Variants in TRPM3 observed in about 807,000 individuals in gnomAD.
TRPM3 encodes the protein long transient receptor potential channel 3.
A neutral mutation model predicts 181.2 loss-of-function variants in TRPM3; 77 were observed. The observed-to-expected ratio is 0.42, with a 90% CI of 0.35 to 0.51. TRPM3 has a LOEUF of 0.51. Ranked by LOEUF, TRPM3 falls within the 20% of genes least tolerant of loss-of-function variation. TRPM3 has a pLI of 0.01. For synonymous variants in TRPM3, 745 were observed against 796.4 expected (o/e 0.94, Z 1.09); for missense variants, 1,759 against 2,196.7 (o/e 0.80, Z 3.98).
chr9:71,114,054 C>T (rs1276228233), intron 1 of TRPM3, among the ~76,000 whole-genome samples: 1 of 152,160 alleles, frequency 6.6e-6, no homozygotes, highest in Non-Finnish European at 1.5e-5. Flanking sequence ...AAACTTTCTT[C>T]ATGTAAGACA....
chr9:71,208,046 A>C (rs1170754340), intron 1 of TRPM3, among the ~76,000 whole-genome samples: 1 of 152,134 alleles, frequency 6.6e-6, no homozygotes, highest in East Asian at 1.9e-4. Context: ...GTAGGGCCGG[A>C]ATTATTTCAA....
At chr9:70,641,643 G>T (rs1314603228) in intron 9 of TRPM3, among the ~76,000 whole-genome samples, 1 of 152,122 alleles carries the variant, frequency 6.6e-6, no homozygotes, top group Non-Finnish European at 1.5e-5. Flanking sequence ...CCTCAGTCAG[G>T]CTAGCCACAT....
At chr9:70,655,293 G>A (rs1421958941) in intron 9 of TRPM3, among the ~76,000 whole-genome samples, 4 of 104,894 alleles carry the variant, frequency 3.8e-5, no homozygotes, top group Non-Finnish European at 5.2e-5. Context: ...GCGAAAGAGT[G>A]AGACTCCGTC....
At chr9:71,265,498 T>G (rs1457109719) in intron 1 of TRPM3, among the ~76,000 whole-genome samples, 1 of 152,240 alleles carries the variant, frequency 6.6e-6, no homozygotes, top group African/African-American at 2.4e-5. Context: ...GCTATTGCTT[T>G]TCTGTCCCAT....
At chr9:71,421,303 ACCAT>A (rs933575373) in intron 1 of TRPM3, among the ~76,000 whole-genome samples, 2 of 151,742 alleles carry the variant, frequency 1.3e-5, no homozygotes, top group African/African-American at 4.8e-5. Context: ...CCCAAACTTC[ACCAT>A]CAGGCAGTAT....
intron 1 of TRPM3, among the ~76,000 whole-genome samples, chr9:71,049,510 A>G (rs1000673642): frequency 2.0e-5 from 3 of 152,192 alleles, no homozygotes; most frequent in African/African-American, 7.2e-5. Flanking sequence ...ACATTTTATA[A>G]TTGTACTTAA....
intron 1 of TRPM3, among the ~76,000 whole-genome samples, chr9:71,209,807 T>C (rs761881493): frequency 1.3e-5 from 2 of 152,250 alleles, no homozygotes; most frequent in Non-Finnish European, 2.9e-5. Context: ...TGACCGTCAA[T>C]AAAGTTTTAT....
At chr9:71,076,711 G>T (rs2063506255) in intron 1 of TRPM3, among the ~76,000 whole-genome samples, 2 of 152,046 alleles carry the variant, frequency 1.3e-5, no homozygotes, top group African/African-American at 2.4e-5. Context: ...ATCTATATAG[G>T]GTTCTCAATA....
At chr9:70,645,750 A>T (rs1177495373) in intron 9 of TRPM3, among the ~76,000 whole-genome samples, 2 of 151,636 alleles carry the variant, frequency 1.3e-5, no homozygotes, top group South Asian at 2.1e-4. Context: ...AGCAAAAAAA[A>T]AAAATAAAAA....
At chr9:70,539,609 C>T (rs2042742019) in intron 25 of TRPM3, among the ~76,000 whole-genome samples, 1 of 152,026 alleles carries the variant, frequency 6.6e-6, no homozygotes, top group Admixed American at 6.6e-5. Flanking sequence ...ATCTGGCAAA[C>T]TCAACGCCAT....
At chr9:70,851,237 C>A (rs2132163924) in intron 3 of TRPM3, among the ~76,000 whole-genome samples, 1 of 152,282 alleles carries the variant, frequency 6.6e-6, no homozygotes, top group Non-Finnish European at 1.5e-5. Context: ...TTATTGTGCA[C>A]CAGGCACATA....
intron 1 of TRPM3, among the ~76,000 whole-genome samples, chr9:71,078,463 T>C (rs914251938): frequency 6.6e-6 from 1 of 152,190 alleles, no homozygotes; most frequent in African/African-American, 2.4e-5. Flanking sequence ...GAATTAATTA[T>C]TGGTGATGAG....
intron 9 of TRPM3, among the ~76,000 whole-genome samples, chr9:70,660,863 G>A (rs891228770): frequency 1.3e-5 from 2 of 152,034 alleles, no homozygotes; most frequent in African/African-American, 4.8e-5. Flanking sequence ...ATTCAAAGAA[G>A]AATTGGTACC....
chr9:71,110,395 C>T (rs1289794188), intron 1 of TRPM3, among the ~76,000 whole-genome samples: 1 of 152,148 alleles, frequency 6.6e-6, no homozygotes, highest in African/African-American at 2.4e-5. Flanking sequence ...ATATGTAATT[C>T]AAATTTCGTT....
chr9:70,694,716 G>A (rs895095985), intron 8 of TRPM3, among the ~76,000 whole-genome samples: 1 of 152,160 alleles, frequency 6.6e-6, no homozygotes, highest in South Asian at 2.1e-4. Flanking sequence ...TCCTGACCTC[G>A]TGATCCACCC....
At chr9:71,326,977 G>A (rs531532198) in intron 1 of TRPM3, among the ~76,000 whole-genome samples, 244 of 152,292 alleles carry the variant, frequency 1.6e-3, no homozygotes, top group African/African-American at 5.5e-3. Flanking sequence ...GATGACATCA[G>A]GACCGTGTCT....
chr9:71,286,975 ATT>A (rs1187255525), intron 1 of TRPM3, among the ~76,000 whole-genome samples: 6 of 141,110 alleles, frequency 4.3e-5, no homozygotes, highest in Non-Finnish European at 9.1e-5. Flanking sequence ...ATATAATATA[ATT>A]ATATTATATA....
intron 7 of TRPM3, among the ~76,000 whole-genome samples, chr9:70,781,304 G>A (rs1014325611): frequency 7.1e-6 from 1 of 140,452 alleles, no homozygotes; most frequent in Non-Finnish European, 1.5e-5. Flanking sequence ...CAGCCTGGGG[G>A]ACAGCATGAG....
At chr9:71,001,396 G>T (rs1286785900) in intron 1 of TRPM3, among the ~76,000 whole-genome samples, 2 of 152,172 alleles carry the variant, frequency 1.3e-5, no homozygotes, top group Non-Finnish European at 2.9e-5. Flanking sequence ...TTGCATGTTT[G>T]TTCTTTCTAT....
Sources: gnomAD v4.1 joint callset for allele counts (sites outside exome capture counted in the v4.1 genomes callset) on GRCh38, gnomAD v4.1.1 for gene constraint, MANE v1.5 for transcripts, NCBI Gene and HGNC (gene_info 2026-07-23, HGNC 2026-07-21) for gene names.